The following HS3ST3A1 variants were observed in gnomAD, a reference collection of about 807,000 sequenced individuals.
The protein encoded by HS3ST3A1 is heparan sulfate glucosamine 3-O-sulfotransferase 3A1.
HS3ST3A1 carries 19 observed loss-of-function variants against 25.7 expected under a neutral mutation model. The observed-to-expected ratio is 0.74, with a 90% confidence interval of 0.52 to 1.08. HS3ST3A1 has a LOEUF of 1.08. Among genes scored for constraint, HS3ST3A1 ranks in the 50% least tolerant of loss-of-function variants. The pLI is 0.00. For synonymous variants in HS3ST3A1, 226 were observed against 278.6 expected (o/e 0.81, Z 1.88); for missense variants, 459 against 594.3 (o/e 0.77, Z 2.37).
intron 1 of HS3ST3A1, among the ~76,000 whole-genome samples, chr17:13,568,146 C>T (rs1180843265): frequency 6.6e-6 from 1 of 152,226 alleles, no homozygotes; most frequent in East Asian, 1.9e-4. Flanking sequence ...TGAGGCAACA[C>T]TCTTTCTCAG....
chr17:13,522,589 C>T (rs572979446), intron 1 of HS3ST3A1, among the ~76,000 whole-genome samples: 1 of 152,084 alleles, frequency 6.6e-6, no homozygotes, highest in East Asian at 1.9e-4. Flanking sequence ...CATCTCTGGG[C>T]TTATTATATA....
chr17:13,599,874 C>A (rs193230496), intron 1 of HS3ST3A1, among the ~76,000 whole-genome samples: 2 of 152,200 alleles, frequency 1.3e-5, no homozygotes, highest in African/African-American at 4.8e-5. Context: ...CTTTTCCCTG[C>A]AAATATCAAA....
At chr17:13,553,597 T>G (rs1163330350) in intron 1 of HS3ST3A1, among the ~76,000 whole-genome samples, 1 of 152,158 alleles carries the variant, frequency 6.6e-6, no homozygotes, top group Non-Finnish European at 1.5e-5. Context: ...GCAGTTCAAA[T>G]CCCCTGAATG....
Position 13,496,160 on chromosome 17 carries a change from T to C in HS3ST3A1, c.*37A>G. 1 of 1,467,324 alleles carries C rather than the reference T, an allele frequency of 6.8e-7. No homozygotes were observed. Among genetic ancestry groups the C allele is most frequent in the Non-Finnish European group, 8.9e-7 (1 of 1,118,616 alleles). The allele number at this position is 1,467,324 out of a possible 1,614,324, so 90.9% of individuals were successfully genotyped here. A position where few individuals can be genotyped will look rare whatever the true frequency, so the allele number is the denominator to read the frequency against. On this transcript the variant is annotated 3_prime_UTR_variant, in exon 2 of 2. Transcript: ENST00000284110. ...TCTACCGATTGGTAAAAAAATATATTATATTTTGATTTTTTTTTTCTTTTT... is the reference window on the plus strand; with the variant it reads ...TCTACCGATTGGTAAAAAAATATATCATATTTTGATTTTTTTTTTCTTTTT...
chr17:13,538,149 T>C (rs139034899), intron 1 of HS3ST3A1, among the ~76,000 whole-genome samples: 50 of 152,320 alleles, frequency 3.3e-4, no homozygotes, highest in African/African-American at 1.1e-3. Context: ...AAATAATGTG[T>C]CTTACTACTT....
chr17:13,508,893 G>C (rs1219460833), intron 1 of HS3ST3A1, among the ~76,000 whole-genome samples: 3 of 152,046 alleles, frequency 2.0e-5, no homozygotes, highest in Admixed American at 2.0e-4. Flanking sequence ...GGCCATCTCT[G>C]GACTTCCGAC....
intron 1 of HS3ST3A1, among the ~76,000 whole-genome samples, chr17:13,580,487 C>A (rs887702762): frequency 2.0e-5 from 3 of 151,950 alleles, no homozygotes; most frequent in Non-Finnish European, 1.5e-5. Flanking sequence ...TTTATACACA[C>A]AATTAGTATT....
intron 1 of HS3ST3A1, among the ~76,000 whole-genome samples, chr17:13,598,263 G>A (rs1200472216): frequency 6.6e-6 from 1 of 152,068 alleles, no homozygotes; most frequent in East Asian, 1.9e-4. Context: ...CTGGGTGGGA[G>A]ATTTTTTTTT....
intron 1 of HS3ST3A1, among the ~76,000 whole-genome samples, chr17:13,525,846 G>C (rs950132069): frequency 2.6e-5 from 4 of 152,148 alleles, no homozygotes; most frequent in African/African-American, 9.7e-5. Flanking sequence ...GCCAGAGGAA[G>C]GGAGAAGAGA....
intron 1 of HS3ST3A1, among the ~76,000 whole-genome samples, chr17:13,509,187 C>T (rs1567610088): frequency 6.6e-6 from 1 of 152,012 alleles, no homozygotes; most frequent in Non-Finnish European, 1.5e-5. Flanking sequence ...GTAATAAGTG[C>T]CCAAAGTGGA....
At chr17:13,502,489 A>G (rs939067140) in intron 1 of HS3ST3A1, among the ~76,000 whole-genome samples, 7 of 152,152 alleles carry the variant, frequency 4.6e-5, no homozygotes, top group African/African-American at 1.7e-4. Flanking sequence ...GCAAGAAAGA[A>G]TAAAAAGAAC....
intron 1 of HS3ST3A1, among the ~76,000 whole-genome samples, chr17:13,503,593 AAAGT>A (rs1469259301): frequency 2.0e-5 from 3 of 152,222 alleles, no homozygotes; most frequent in African/African-American, 7.2e-5. Flanking sequence ...AAAAATAAAT[AAAGT>A]AAGTAATCAA....
chr17:13,591,927 C>T (rs952362060), intron 1 of HS3ST3A1, among the ~76,000 whole-genome samples: 4 of 152,032 alleles, frequency 2.6e-5, no homozygotes, highest in African/African-American at 9.7e-5. Flanking sequence ...CCCAAAGTGC[C>T]GGGATTCCAG....
rs570397328 is a variant in HS3ST3A1 at position 13,523,781 on chromosome 17, T to C, written c.600-26963A>G. On this transcript the variant is annotated intron_variant, in intron 1 of 1. Coordinates refer to ENST00000284110, the MANE Select transcript of HS3ST3A1 (RefSeq NM_006042.3). ...TGATAGAGAATTTATTTCAGATATA[T>C]CTAAAATTCATTATTGTAGAGTTAT... 3.3e-5 allele frequency among the ~76,000 whole-genome samples: 5 copies of C among 152,360 alleles called. No individual in the cohort carries two copies. The East Asian group carries it at 9.6e-4, about 29-fold the overall frequency.
chr17:13,590,706 A>C (rs8065492), intron 1 of HS3ST3A1, among the ~76,000 whole-genome samples: 1 of 152,156 alleles, frequency 6.6e-6, no homozygotes, highest in Non-Finnish European at 1.5e-5. Flanking sequence ...ATGACAGGAA[A>C]TCAATTAGAC....
intron 1 of HS3ST3A1, among the ~76,000 whole-genome samples, chr17:13,508,843 C>T (rs1324139888): frequency 6.6e-6 from 1 of 152,188 alleles, no homozygotes; most frequent in Non-Finnish European, 1.5e-5. Context: ...TCAGAAACCA[C>T]CTGGGAAAGG....
chr17:13,506,026 CA>C lies in HS3ST3A1; in HGVS notation c.600-9209del, dbSNP rs35525593. Among the ~76,000 whole-genome samples the C allele has an allele frequency of 9.8e-3, 654 of 66,950 alleles. 4 individuals carry two copies. Among genetic ancestry groups the C allele is most frequent in the African/African-American group, 0.015 (270 of 17,990 alleles). 43.9% of individuals were successfully genotyped at this position (66,950 alleles called of 152,430 possible). On this transcript the variant is annotated intron_variant, in intron 1 of 1. Transcript: ENST00000284110. ...TGGGCAACAGAGCAAGACTTCATCT[CA>C]AAAAAAAAAAAAAAAAAAATTGGAT...
intron 1 of HS3ST3A1, among the ~76,000 whole-genome samples, chr17:13,553,992 G>C (rs1328953852): frequency 6.6e-5 from 10 of 152,134 alleles, no homozygotes; most frequent in Non-Finnish European, 5.9e-5. Context: ...ACTCTAGACA[G>C]GAGTCTGCAA....
chr17:13,511,734 G>T (rs896931037), intron 1 of HS3ST3A1, among the ~76,000 whole-genome samples: 5 of 151,024 alleles, frequency 3.3e-5, no homozygotes, highest in African/African-American at 4.9e-5. Flanking sequence ...CTAGAATGGA[G>T]AACAGTTCTA....
Sources: gnomAD v4.1 joint callset for allele counts (sites outside exome capture counted in the v4.1 genomes callset) on GRCh38, gnomAD v4.1.1 for gene constraint, MANE v1.5 for transcripts, NCBI Gene and HGNC (gene_info 2026-07-23, HGNC 2026-07-21) for gene names.